The following DYNLRB1 variants were observed in gnomAD, a reference collection of about 807,000 sequenced individuals.
DYNLRB1 encodes ROBL/LC7-like 1.
DYNLRB1 carries 6 observed loss-of-function variants against 13.5 expected under a neutral mutation model. The observed-to-expected ratio is 0.44, with a 90% CI of 0.24 to 0.88. The LOEUF is 0.88. Among genes scored for constraint, DYNLRB1 ranks in the 40% least tolerant of loss-of-function variants. DYNLRB1 has a pLI of 0.21. For missense variants in DYNLRB1, 93 were observed against 127.2 expected (o/e 0.73, Z 1.29); for synonymous variants, 43 against 45.0 (o/e 0.96, Z 0.18).
chr20:34,522,321 G>A (rs908444356), intron 1 of DYNLRB1, among the ~76,000 whole-genome samples: 1 of 152,136 alleles, frequency 6.6e-6, no homozygotes, highest in African/African-American at 2.4e-5. Context: ...ATGAATGGGA[G>A]TTTCAGAAGA....
At chr20:34,521,464 G>A (rs907632349) in intron 1 of DYNLRB1, among the ~76,000 whole-genome samples, 1 of 151,362 alleles carries the variant, frequency 6.6e-6, no homozygotes, top group African/African-American at 2.4e-5. Flanking sequence ...TATTTATTTT[G>A]TCTGTTATAT....
intron 3 of DYNLRB1, chr20:34,536,118 A>C (rs1442075606): frequency 2.0e-6 from 2 of 985,340 alleles, no homozygotes; most frequent in Non-Finnish European, 2.4e-6. Context: ...ACAGAGAAGA[A>C]CATAAGAATA....
intron 2 of DYNLRB1, chr20:34,531,089 C>T (rs1197965119): frequency 3.3e-5 from 5 of 152,228 alleles, no homozygotes; most frequent in Non-Finnish European, 5.9e-5. Flanking sequence ...CCCACACAGG[C>T]AGAATAAAAG....
At chr20:34,518,604 C>T (rs1161586816) in intron 1 of DYNLRB1, among the ~76,000 whole-genome samples, 1 of 151,854 alleles carries the variant, frequency 6.6e-6, no homozygotes, top group Non-Finnish European at 1.5e-5. Flanking sequence ...CACGCCACCA[C>T]ACCCTGCTAA....
intron 2 of DYNLRB1, among the ~76,000 whole-genome samples, chr20:34,532,523 G>A (rs1422753974): frequency 1.3e-5 from 2 of 151,626 alleles, no homozygotes; most frequent in Non-Finnish European, 1.5e-5. Context: ...GGAATGCGAG[G>A]GTGGGCAGAA....
upstream of DYNLRB1, chr20:34,516,344 C>T: frequency 6.8e-7 from 1 of 1,461,844 alleles, no homozygotes. Context: ...CCGCCTCACG[C>T]TGGCTCCTGA....
chr20:34,535,961 G>C, intron 3 of DYNLRB1: 1 of 985,328 alleles, frequency 1.0e-6, no homozygotes, highest in Non-Finnish European at 1.2e-6. Flanking sequence ...AATTTGATGG[G>C]AGGTCAGCCA....
chr20:34,536,596 T>A, intron 3 of DYNLRB1: 1 of 504,194 alleles, frequency 2.0e-6, no homozygotes, highest in Non-Finnish European at 2.6e-6. Context: ...AATAAAAAAA[T>A]TAGCTGGGCA....
chr20:34,522,564 C>T (rs1374985281), intron 1 of DYNLRB1, among the ~76,000 whole-genome samples: 1 of 150,166 alleles, frequency 6.7e-6, no homozygotes, highest in African/African-American at 2.5e-5. Flanking sequence ...CCTCGGCCTC[C>T]TGGGCTCAGG....
chr20:34,522,866 T>C (rs1979868075), intron 1 of DYNLRB1, among the ~76,000 whole-genome samples: 1 of 152,222 alleles, frequency 6.6e-6, no homozygotes, highest in Admixed American at 6.5e-5. Flanking sequence ...CTGTGGACTG[T>C]GAGGCCATGT....
intron 3 of DYNLRB1, among the ~76,000 whole-genome samples, 200 bp from the exon 4 acceptor site, chr20:34,540,369 ATGGGGAGGCCCC>A (rs1214611785): frequency 1.3e-5 from 2 of 152,230 alleles, no homozygotes; most frequent in Non-Finnish European, 2.9e-5. Flanking sequence ...GCTGCCCGGT[ATGGGGAGGCCCC>A]TCTTGCAGGA....
Position 34,540,694 on chromosome 20 carries a change from C to A in DYNLRB1, c.*70C>A. The A allele has an allele frequency of 6.6e-7, 1 of 1,513,638 alleles. No homozygotes were observed. Among genetic ancestry groups the A allele is most frequent in the Admixed American group, 1.7e-5 (1 of 58,608 alleles). The allele number at this position is 1,513,638 out of a possible 1,614,324, so 93.8% of individuals were successfully genotyped here. A position where few individuals can be genotyped will look rare whatever the true frequency, so the allele number is the denominator to read the frequency against. On this transcript the variant is annotated 3_prime_UTR_variant, in exon 4 of 4. Coordinates refer to ENST00000357156, the MANE Select transcript of DYNLRB1 (RefSeq NM_014183.4). ...CCAAGAATGTTAATGTCAATCATGT[C>A]AGTGGACTAGCACATGGCAGTCGCT...
intron 2 of DYNLRB1, among the ~76,000 whole-genome samples, chr20:34,528,229 G>A (rs1167995276): frequency 2.5e-5 from 2 of 80,154 alleles, no homozygotes; most frequent in East Asian, 6.3e-4. Context: ...GGAGAATGGC[G>A]TGAACCCGGG....
intron 1 of DYNLRB1, 39 bp downstream of exon 1, chr20:34,516,500 AC>A: frequency 6.2e-7 from 1 of 1,607,776 alleles, no homozygotes; most frequent in Non-Finnish European, 8.5e-7. Flanking sequence ...GCGGCCGCCC[AC>A]CACCCCACGC....
At chr20:34,519,867 C>G (rs993152967) in intron 1 of DYNLRB1, among the ~76,000 whole-genome samples, 2 of 152,216 alleles carry the variant, frequency 1.3e-5, no homozygotes, top group African/African-American at 4.8e-5. Context: ...GACACAATGG[C>G]TGACGCATAT....
At chr20:34,533,691 C>T (rs1265677937) in intron 2 of DYNLRB1, 3 of 176,618 alleles carry the variant, frequency 1.7e-5, no homozygotes, top group East Asian at 3.8e-4. Flanking sequence ...TGGTGGTGCG[C>T]GTCTGTAGTT....
chr20:34,516,344 C>G, upstream of DYNLRB1: 3 of 1,461,844 alleles, frequency 2.1e-6, no homozygotes, highest in Non-Finnish European at 2.7e-6. Flanking sequence ...CCGCCTCACG[C>G]TGGCTCCTGA....
chr20:34,515,999 C>T (rs1341196313), upstream of DYNLRB1, among the ~76,000 whole-genome samples: 2 of 152,170 alleles, frequency 1.3e-5, no homozygotes, highest in African/African-American at 2.4e-5. Flanking sequence ...GTCAGGCGAT[C>T]CTCCTACCTC....
chr20:34,526,354 C>T lies in DYNLRB1; in HGVS notation c.79+11C>T. 6.2e-7 allele frequency: 1 copy of T among 1,613,272 alleles called. No individual in the cohort carries two copies. Among genetic ancestry groups the T allele is most frequent in the Admixed American group, 1.7e-5 (1 of 59,900 alleles). The stretch of plus-strand genomic sequence containing the variant: ...TCGTGAACACAGAAGGTACGCCCTC[C>T]CTCCCGCCATGACCCGCACCCAGGC... On this transcript the variant is annotated intron_variant, in intron 2 of 3. Coordinates refer to ENST00000357156, the MANE Select transcript of DYNLRB1 (RefSeq NM_014183.4).
Sources: allele counts gnomAD v4.1 joint callset (sites outside exome capture counted in the v4.1 genomes callset), GRCh38; gene constraint gnomAD v4.1.1; transcripts MANE v1.5; gene names NCBI Gene and HGNC (gene_info 2026-07-23, HGNC 2026-07-21).